Variants in ZNF574 observed in about 807,000 individuals in gnomAD.
ZNF574 encodes the protein zinc finger protein 574.
ZNF574 carries 25 observed loss-of-function variants against 56.6 expected under a neutral mutation model. That is an observed-to-expected ratio of 0.44 (90% confidence interval 0.32 to 0.62). The LOEUF (loss-of-function observed/expected upper bound fraction) is 0.62, where lower values mean the gene tolerates loss of function less well. Ranked by LOEUF, ZNF574 falls within the 20% of genes least tolerant of loss-of-function variation. The probability of loss-of-function intolerance (pLI) is 0.04; values close to 1 mark genes in which losing one functional copy is unlikely to be tolerated. For missense variants in ZNF574, 1,065 were observed against 1,218.9 expected (o/e 0.87, Z 1.88); for synonymous variants, 543 against 492.1 (o/e 1.10, Z -1.37).
chr19:42,070,970 G>A (rs1345611373), intron 1 of ZNF574: 1 of 152,674 alleles, frequency 6.5e-6, no homozygotes, highest in Non-Finnish European at 1.5e-5. Context: ...TGCGGGGCAA[G>A]CCTCCCCCAA....
At position 42,080,075 on chromosome 19, in the gene ZNF574, G is replaced by C; in HGVS notation, c.1469G>C (p.Arg490Pro). 3 of 1,614,106 alleles carry C rather than the reference G, an allele frequency of 1.9e-6. No individual in the cohort carries two copies. Among genetic ancestry groups the C allele is most frequent in the Non-Finnish European group, 2.5e-6 (3 of 1,180,030 alleles). The change falls in exon 2 of 2, where the codon CGG (arginine) becomes CCG (proline). Residue 490 changes from arginine (R) to proline (P), a missense_variant. Arg to Pro is a moderately radical substitution (Grantham distance 103). Coordinates refer to ENST00000359044, the MANE Select transcript of ZNF574 (RefSeq NM_022752.6). This position sits in a 1 kb window ranked among gnomAD's most constrained non-coding sequence, Gnocchi z 8.5. ...QLTRHQRFVH[R>P]LERRHKCSIC... ...ACCCGGCACCAACGTTTTGTGCATC[G>C]GCTGGAGCGGCGCCATAAATGCAGC...
intron 1 of ZNF574, among the ~76,000 whole-genome samples, chr19:42,076,962 A>G (rs776208455): frequency 2.6e-5 from 4 of 152,140 alleles, no homozygotes; most frequent in Non-Finnish European, 4.4e-5. Flanking sequence ...TGTATTTTAA[A>G]AGGGTGTCTG....
At chr19:42,076,481 G>T (rs1032585905) in intron 1 of ZNF574, among the ~76,000 whole-genome samples, 195 bp downstream of exon 1, 8 of 151,636 alleles carry the variant, frequency 5.3e-5, no homozygotes, top group Non-Finnish European at 1.2e-4. Context: ...TGGGGAAGGG[G>T]CCTGGAGTCG....
Position 42,081,036 on chromosome 19 carries a change from A to G in ZNF574, c.2430A>G (p.Ala810=), listed in dbSNP as rs764344194. Residue 810 remains alanine (A), a synonymous_variant, in exon 2 of 2, where the codon GCA becomes GCG. Transcript: ENST00000359044. ...GKAFAISMRL[A]EHRRIHTGER... is the part of the protein sequence containing the mutation. ...CCTTTGCCATCTCCATGCGCCTGGCAGAACATCGCCGCATCCACACAGGCG... is the reference window on the plus strand; with the variant it reads ...CCTTTGCCATCTCCATGCGCCTGGCGGAACATCGCCGCATCCACACAGGCG... 6.2e-7 allele frequency: 1 copy of G among 1,614,162 alleles called. No individual in the cohort carries two copies. The highest frequency in any genetic ancestry group is 2.2e-5 in the East Asian group (1 of 44,870).
Position 42,080,060 on chromosome 19 carries a change from A to G in ZNF574, c.1454A>G (p.Gln485Arg), listed in dbSNP as rs1174613505. The change falls in exon 2 of 2, where the codon CAA becomes CGA. Residue 485 changes from glutamine to arginine, a missense_variant. Physicochemically the swap from Gln to Arg is conservative, Grantham distance 43. Transcript: ENST00000359044. The surrounding 1 kb of genome is among the most constrained non-coding windows in gnomAD (Gnocchi z 8.5). ...FGKALQLTRHQRFVHRLERRH... is the reference protein window; with the variant it reads ...FGKALQLTRHRRFVHRLERRH... ...AAGGCCTTGCAGCTGACCCGGCACC[A>G]ACGTTTTGTGCATCGGCTGGAGCGG... is the stretch of plus-strand genomic sequence containing the variant. 6.2e-7 allele frequency: 1 copy of G among 1,614,122 alleles called. No individual in the cohort carries two copies. The highest frequency in any genetic ancestry group is 1.7e-5 in the Admixed American group (1 of 60,026).
chr19:42,069,552 G>A (rs1180349389), intron 1 of ZNF574: 1 of 137,672 alleles, frequency 7.3e-6, no homozygotes, highest in Non-Finnish European at 1.6e-5. Flanking sequence ...GAAAGGAGGA[G>A]AGGAAGGTGA....
At chr19:42,076,798 T>C (rs1455975478) in intron 1 of ZNF574, among the ~76,000 whole-genome samples, 1 of 151,676 alleles carries the variant, frequency 6.6e-6, no homozygotes, top group African/African-American at 2.4e-5. Flanking sequence ...CATTAGGAAA[T>C]CGATATCCCC....
chr19:42,073,480 G>C (rs2146207504), upstream of ZNF574, among the ~76,000 whole-genome samples: 1 of 149,868 alleles, frequency 6.7e-6, no homozygotes, highest in African/African-American at 2.5e-5. Flanking sequence ...GAGCCCAGGA[G>C]TTCTGAGACC....
exon 1 of ZNF574, chr19:42,068,925 G>A (rs751219386): frequency 5.9e-5 from 39 of 663,696 alleles, no homozygotes; most frequent in Non-Finnish European, 8.8e-5. Context: ...ACGGAGGCTT[G>A]GAGACAGCAG....
At position 42,076,201 on chromosome 19, in the gene ZNF574, C is replaced by G. The variant is rs565889866; in HGVS notation, c.-106C>G. ...CTACGGAGCAGGCGAGAGGCGACGG[C>G]GAGAGCTAGAGCGGGCGCAGCGTTA... is the stretch of plus-strand genomic sequence containing the variant. On this transcript the variant is annotated 5_prime_UTR_variant, in exon 1 of 2. Transcript: ENST00000359044. 5 of 152,414 alleles carry G rather than the reference C, an allele frequency of 3.3e-5. No homozygotes were observed. Among genetic ancestry groups the G allele is most frequent in the African/African-American group, 1.2e-4 (5 of 41,544 alleles). 9.4% of individuals were successfully genotyped at this position (152,414 alleles called of 1,614,324 possible). A position where few individuals can be genotyped will look rare whatever the true frequency, so the allele number is the denominator to read the frequency against.
chr19:42,068,894 AAG>A lies in ZNF574; in HGVS notation c.186_187del (p.Arg62SerfsTer31). The A allele has an allele frequency of 2.9e-6, 2 of 686,294 alleles. No individual in the cohort carries two copies. Among genetic ancestry groups the A allele is most frequent in the South Asian group, 3.1e-5 (2 of 65,482 alleles). The allele number at this position is 686,294 out of a possible 1,614,324, so 42.5% of individuals were successfully genotyped here. ...AGAGGATGAGGCTCAGAGGAACAGA[AAG>A]AGCCAGTCTGGGACCAGGACGGAGG... On this transcript the variant is annotated frameshift_variant, in exon 1 of 2. Coordinates refer to the ZNF574 transcript ENST00000222339. LOFTEE classifies it high-confidence loss of function.
In ZNF574 at chr19:42,079,302, C is replaced by G; in HGVS notation, c.696C>G (p.His232Gln). ...AGCTGCCGGCGGATTTCCTGGAGCACCAGGCCACTCACTTCCCTGCTCCTG... is the reference window on the plus strand; with the variant it reads ...AGCTGCCGGCGGATTTCCTGGAGCAGCAGGCCACTCACTTCCCTGCTCCTG... ...LFQLPADFLE[H>Q]QATHFPAPVP... The change falls in exon 2 of 2, where the codon CAC (histidine) becomes CAG (glutamine). Residue 232 changes from histidine to glutamine, a missense_variant. Transcript: ENST00000359044. This position sits in a 1 kb window ranked among gnomAD's most constrained non-coding sequence, Gnocchi z 4.3. 6.2e-7 allele frequency: 1 copy of G among 1,613,972 alleles called. No individual in the cohort carries two copies. Among genetic ancestry groups the G allele is most frequent in the Non-Finnish European group, 8.5e-7 (1 of 1,179,982 alleles).
rs748963726 is a variant in ZNF574 at position 42,080,000 on chromosome 19, C to T, written c.1394C>T (p.Thr465Ile). ...TCAGCAGGGCCCGCTGCCCCAGGCACCTACCGCTGCCTCCTGTGCAGCCGT... is the reference window on the plus strand; with the variant it reads ...TCAGCAGGGCCCGCTGCCCCAGGCATCTACCGCTGCCTCCTGTGCAGCCGT... ...ETSAGPAAPG[T>I]YRCLLCSREF... Residue 465 changes from threonine to isoleucine, a missense_variant, in exon 2 of 2, where the codon ACC becomes ATC. Coordinates refer to ENST00000359044, the MANE Select transcript of ZNF574 (RefSeq NM_022752.6). The surrounding 1 kb of genome is among the most constrained non-coding windows in gnomAD (Gnocchi z 4.3). 1 of 1,613,988 alleles carries T rather than the reference C, an allele frequency of 6.2e-7. No individual in the cohort carries two copies. Among genetic ancestry groups the T allele is most frequent in the Non-Finnish European group, 8.5e-7 (1 of 1,180,016 alleles).
At chr19:42,068,907 G>C (rs780482296) in exon 1 of ZNF574, 1 of 682,370 alleles carries the variant, frequency 1.5e-6, no homozygotes, top group South Asian at 1.5e-5. Context: ...AGCCAGTCTG[G>C]GACCAGGACG....
upstream of ZNF574, among the ~76,000 whole-genome samples, chr19:42,072,303 C>T (rs1319633858): frequency 7.0e-6 from 1 of 143,536 alleles, no homozygotes; most frequent in African/African-American, 2.6e-5. Context: ...GGCATGATCT[C>T]GGCTCACTGC....
At position 42,080,186 on chromosome 19, in the gene ZNF574, A is replaced by C; in HGVS notation, c.1580A>C (p.Asp527Ala). The change falls in exon 2 of 2, where the codon GAC becomes GCC. Residue 527 changes from aspartate to alanine, a missense_variant. By Grantham distance (126) the Asp-to-Ala change is moderately radical. Transcript: ENST00000359044. This position sits in a 1 kb window ranked among gnomAD's most constrained non-coding sequence, Gnocchi z 8.5. Reference protein sequence around the residue: ...HTGERPFPCPDCSKPFNSPAN... With the variant: ...HTGERPFPCPACSKPFNSPAN... ...GGGGAGCGGCCCTTCCCCTGCCCTG[A>C]CTGCTCCAAGCCCTTCAACTCACCT... The C allele has an allele frequency of 6.2e-7, 1 of 1,613,774 alleles. No homozygotes were observed. Among genetic ancestry groups the C allele is most frequent in the Non-Finnish European group, 8.5e-7 (1 of 1,179,948 alleles).
Position 42,080,320 on chromosome 19 carries a change from G to T in ZNF574, c.1714G>T (p.Val572Leu). 1 of 1,614,192 alleles carries T rather than the reference G, an allele frequency of 6.2e-7. No individual in the cohort carries two copies. Among genetic ancestry groups the T allele is most frequent in the Non-Finnish European group, 8.5e-7 (1 of 1,180,022 alleles). The change falls in exon 2 of 2, where the codon GTG becomes TTG. Residue 572 changes from valine (V) to leucine (L), a missense_variant. Transcript: ENST00000359044. This position sits in a 1 kb window ranked among gnomAD's most constrained non-coding sequence, Gnocchi z 8.5. ...QSSTLRQHRL[V>L]HAQHFPYRCQ... ...CTCCACACTGAGGCAGCACCGCTTG[G>T]TGCATGCCCAGCACTTCCCCTACCG...
At chr19:42,070,111 C>A (rs1307320190) in intron 1 of ZNF574, among the ~76,000 whole-genome samples, 4 of 152,098 alleles carry the variant, frequency 2.6e-5, no homozygotes, top group Admixed American at 2.0e-4. Context: ...GCTGGGCCTG[C>A]CTCCCTGCCG....
chr19:42,072,553 A>AT (rs909143019), upstream of ZNF574, among the ~76,000 whole-genome samples: 3 of 139,680 alleles, frequency 2.1e-5, no homozygotes, highest in Non-Finnish European at 3.1e-5. Flanking sequence ...CTTTTCTTTT[A>AT]TTTTTTCTTT....
Sources: allele counts gnomAD v4.1 joint callset (sites outside exome capture counted in the v4.1 genomes callset), GRCh38; gene constraint gnomAD v4.1.1; non-coding constraint Gnocchi (gnomAD v3.1); transcripts MANE v1.5; gene names NCBI Gene and HGNC (gene_info 2026-07-23, HGNC 2026-07-21).